GEMIN5: variants seen among roughly 807,000 people sequenced by gnomAD.
GEMIN5 encodes the protein gem nuclear organelle associated protein 5.
Under a neutral mutation model 176.9 loss-of-function variants are expected in GEMIN5, and 124 were observed. The observed-to-expected ratio is 0.70, with a 90% CI of 0.61 to 0.81. GEMIN5 has a LOEUF of 0.81. Among genes scored for constraint, GEMIN5 ranks in the 40% least tolerant of loss-of-function variants. The pLI, the probability that GEMIN5 is intolerant of heterozygous loss-of-function variation, is 0.00. For synonymous variants in GEMIN5, 673 were observed against 665.2 expected (o/e 1.01, Z -0.18); for missense variants, 1,843 against 1,814.6 (o/e 1.02, Z -0.28).
intron 3 of GEMIN5, among the ~76,000 whole-genome samples, chr5:154,932,829 T>C (rs76509445): frequency 0.1 from 15,474 of 152,192 alleles, 895 homozygotes; most frequent in Admixed American, 0.15. Context: ...CCTCCTAAAG[T>C]GATGGGATTA....
At chr5:154,928,745 G>A in intron 5 of GEMIN5, 86 bp from the exon 6 acceptor site, 1 of 1,223,210 alleles carries the variant, frequency 8.2e-7, no homozygotes, top group Non-Finnish European at 1.2e-6. Flanking sequence ...CACACAGTCT[G>A]CGCTGTAAAA....
intron 3 of GEMIN5, among the ~76,000 whole-genome samples, chr5:154,935,252 T>C (rs1400558854): frequency 2.0e-5 from 3 of 152,256 alleles, no homozygotes; most frequent in Non-Finnish European, 4.4e-5. Flanking sequence ...GTATCTCTAT[T>C]GCCTTAGCCC....
intron 22 of GEMIN5, among the ~76,000 whole-genome samples, chr5:154,898,987 C>T (rs1763412044): frequency 6.6e-6 from 1 of 152,108 alleles, no homozygotes; most frequent in Non-Finnish European, 1.5e-5. Flanking sequence ...TGAGGTTTTT[C>T]TTGAATAGTT....
intron 1 of GEMIN5, 31 bp downstream of exon 1, chr5:154,937,937 G>A (rs755044537): frequency 1.3e-5 from 20 of 1,533,350 alleles, no homozygotes; most frequent in Non-Finnish European, 1.6e-5. Flanking sequence ...ACAAAGGGCA[G>A]TAAGTCTCGG....
At chr5:154,924,005 G>A (rs925148603) in intron 9 of GEMIN5, among the ~76,000 whole-genome samples, 1 of 152,060 alleles carries the variant, frequency 6.6e-6, no homozygotes, top group African/African-American at 2.4e-5. Flanking sequence ...AAAGAAAAAA[G>A]TAAAATTTTA....
rs929739834 is a variant in GEMIN5 at position 154,912,893 on chromosome 5, T to G, written c.1995+6A>C. 4 of 1,611,918 alleles carry G rather than the reference T, an allele frequency of 2.5e-6. No individual in the cohort carries two copies. Among genetic ancestry groups the G allele is most frequent in the East Asian group, 2.2e-5 (1 of 44,852 alleles). ...AGGACCCACAGGGACAAGGACACAA[T>G]AGTACCTGGGCTGTACCATCATAGG... On this transcript the variant is annotated splice_donor_region_variant and intron_variant, in intron 14 of 27. Coordinates refer to ENST00000285873, the MANE Select transcript of GEMIN5 (RefSeq NM_015465.5).
chr5:154,915,844 A>C (rs559662387), intron 13 of GEMIN5, among the ~76,000 whole-genome samples: 4 of 152,190 alleles, frequency 2.6e-5, no homozygotes, highest in Non-Finnish European at 4.4e-5. Flanking sequence ...AGTATAAAAA[A>C]CTACATCTTT....
At chr5:154,936,584 C>T (rs374247142) in intron 2 of GEMIN5, among the ~76,000 whole-genome samples, 1 of 152,312 alleles carries the variant, frequency 6.6e-6, no homozygotes, top group East Asian at 1.9e-4. Context: ...CCTTTGTTCT[C>T]TCAAAAGGCA....
chr5:154,936,110 T>C lies in GEMIN5; in HGVS notation c.328-88A>G, dbSNP rs544870238. Reference sequence around the variant, plus strand: ...TATCACAAACCAGCATAATGCTACATATACACATTAAAAGTAATTAATACG... The same window carrying C: ...TATCACAAACCAGCATAATGCTACACATACACATTAAAAGTAATTAATACG... On this transcript the variant is annotated intron_variant, in intron 2 of 27. Coordinates refer to ENST00000285873, the MANE Select transcript of GEMIN5 (RefSeq NM_015465.5). The C allele has an allele frequency of 3.9e-5, 32 of 814,526 alleles. 1 individual carries two copies. In the African/African-American group the frequency reaches 4.7e-4, roughly 12 times the overall value. The allele number at this position is 814,526 out of a possible 1,614,324, so 50.5% of individuals were successfully genotyped here.
chr5:154,897,755 C>T (rs1763378970), intron 23 of GEMIN5, among the ~76,000 whole-genome samples: 2 of 151,964 alleles, frequency 1.3e-5, no homozygotes, highest in Non-Finnish European at 2.9e-5. Context: ...GTTTTTTTTC[C>T]ATAGCTTACA....
rs943672740 is a variant in GEMIN5 at position 154,898,639 on chromosome 5, G to C, written c.3146C>G (p.Ala1049Gly). 4.3e-6 allele frequency: 7 copies of C among 1,609,388 alleles called. No individual in the cohort carries two copies. The South Asian group carries it at 6.6e-5, about 15-fold the overall frequency. ...YAVAAKCYLG[A>G]TCAYDAAKVL... Reference sequence around the variant, plus strand: ...TTTGGCTGCATCATAAGCACAAGTGGCCCCTAAATAGCTATAATATGAATA... The same window carrying C: ...TTTGGCTGCATCATAAGCACAAGTGCCCCCTAAATAGCTATAATATGAATA... Residue 1049 changes from alanine (A) to glycine (G), a missense_variant, in exon 23 of 28, where the codon GCC (alanine) becomes GGC (glycine). By Grantham distance (60) the Ala-to-Gly change is moderately conservative. Coordinates refer to ENST00000285873, the MANE Select transcript of GEMIN5 (RefSeq NM_015465.5).
rs1301476026 is a variant in GEMIN5 at position 154,891,406 on chromosome 5, C to T, written c.4097G>A (p.Ser1366Asn). 1.2e-6 allele frequency: 2 copies of T among 1,614,030 alleles called. No individual in the cohort carries two copies. The highest frequency in any genetic ancestry group is 1.3e-5 in the African/African-American group (1 of 74,898). ...FKELFSEKHASLQNSQRTVAE... is the reference protein window; with the variant it reads ...FKELFSEKHANLQNSQRTVAE... ...AACAGTTCTCTGTGAGTTTTGGAGA[C>T]TGGCATGCTTTTCTGAAAAGAGCTC... Residue 1366 changes from serine (S) to asparagine (N), a missense_variant, in exon 26 of 28, where the codon AGT (serine) becomes AAT (asparagine). By Grantham distance (46) the Ser-to-Asn change is conservative. Coordinates refer to ENST00000285873, the MANE Select transcript of GEMIN5 (RefSeq NM_015465.5).
intron 3 of GEMIN5, among the ~76,000 whole-genome samples, chr5:154,932,556 T>C (rs1193349134): frequency 6.6e-6 from 1 of 152,202 alleles, no homozygotes; most frequent in Non-Finnish European, 1.5e-5. Context: ...GGAATTTTCA[T>C]AGTTTTTGCA....
intron 15 of GEMIN5, among the ~76,000 whole-genome samples, chr5:154,910,229 C>A (rs890030459): frequency 2.0e-5 from 3 of 151,918 alleles, no homozygotes; most frequent in Admixed American, 2.0e-4. Flanking sequence ...TATGAGCATT[C>A]TTTTACAAGT....
In GEMIN5 at chr5:154,912,906, G is replaced by A. The variant is rs1412537489; in HGVS notation, c.1988C>T (p.Thr663Ile). Residue 663 changes from threonine (T) to isoleucine (I), a missense_variant, in exon 14 of 28, where the codon ACA becomes ATA. Transcript: ENST00000285873. ...GRLVSASYDG[T>I]AQVWDALREE... ...ACAAGGACACAATAGTACCTGGGCT[G>A]TACCATCATAGGAAGCAGATACCAG... 6.2e-7 allele frequency: 1 copy of A among 1,613,520 alleles called. No homozygotes were observed. The highest frequency in any genetic ancestry group is 2.2e-5 in the East Asian group (1 of 44,878).
At chr5:154,911,944 T>C (rs993489956) in intron 14 of GEMIN5, 46 bp from the exon 15 acceptor site, 5 of 1,548,066 alleles carry the variant, frequency 3.2e-6, no homozygotes, top group Middle Eastern at 3.5e-4. Flanking sequence ...CTGGTTATTC[T>C]ATTGTTTGGG....
intron 9 of GEMIN5, 107 bp from the exon 10 acceptor site, chr5:154,921,532 A>C (rs908444476): frequency 1.1e-5 from 7 of 644,006 alleles, no homozygotes; most frequent in South Asian, 3.8e-5. Flanking sequence ...ATAACTACTA[A>C]TAATTGGAGA....
At chr5:154,900,693 C>T (rs1326500032) in intron 21 of GEMIN5, among the ~76,000 whole-genome samples, 1 of 152,162 alleles carries the variant, frequency 6.6e-6, no homozygotes, top group Non-Finnish European at 1.5e-5. Flanking sequence ...CACAACTCTG[C>T]CTGGAGATCC....
chr5:154,935,348 C>T (rs972569368), intron 3 of GEMIN5, among the ~76,000 whole-genome samples: 2 of 152,164 alleles, frequency 1.3e-5, no homozygotes, highest in African/African-American at 4.8e-5. Context: ...AGAAAATAGA[C>T]ATCTTTCAGT....
Sources: allele counts gnomAD v4.1 joint callset (sites outside exome capture counted in the v4.1 genomes callset), GRCh38; gene constraint gnomAD v4.1.1; transcripts MANE v1.5; gene names NCBI Gene and HGNC (gene_info 2026-07-23, HGNC 2026-07-21).